RIMS1: variants seen among roughly 807,000 people sequenced by gnomAD.
The protein encoded by RIMS1 is regulating synaptic membrane exocytosis 1.
RIMS1 carries 83 observed loss-of-function variants against 214.1 expected under a neutral mutation model. That is an observed-to-expected ratio of 0.39 (90% CI 0.32 to 0.47). RIMS1 has a LOEUF of 0.47. RIMS1 is among the 20% of genes least tolerant of loss of function. The pLI, the probability that RIMS1 is intolerant of heterozygous loss-of-function variation, is 0.99. For synonymous variants in RIMS1, 793 were observed against 786.8 expected (o/e 1.01, Z -0.13); for missense variants, 2,050 against 2,161.8 (o/e 0.95, Z 1.03).
chr6:71,958,869 T>A (rs1482569), intron 1 of RIMS1, among the ~76,000 whole-genome samples: 129,909 of 152,080 alleles, frequency 0.85, 55,686 homozygotes, highest in East Asian at 1. Flanking sequence ...ATTCATCCAT[T>A]TTTCCCTAAA....
chr6:71,946,867 G>A (rs1787975064), intron 1 of RIMS1, among the ~76,000 whole-genome samples: 1 of 151,902 alleles, frequency 6.6e-6, no homozygotes, highest in Non-Finnish European at 1.5e-5. Flanking sequence ...GGGTTTTAGA[G>A]AATATATTTG....
chr6:72,145,684 A>G (rs1588020436), intron 4 of RIMS1, among the ~76,000 whole-genome samples: 1 of 152,210 alleles, frequency 6.6e-6, no homozygotes, highest in Non-Finnish European at 1.5e-5. Flanking sequence ...GACTGTGTAG[A>G]CAAGTTAAGA....
At chr6:72,014,188 T>C (rs978367607) in intron 2 of RIMS1, among the ~76,000 whole-genome samples, 2 of 152,138 alleles carry the variant, frequency 1.3e-5, no homozygotes, top group African/African-American at 4.8e-5. Flanking sequence ...GGAAGAGAAG[T>C]GAGTGGCAAG....
intron 4 of RIMS1, among the ~76,000 whole-genome samples, chr6:72,153,430 CT>C (rs960744282): frequency 6.6e-6 from 1 of 151,942 alleles, no homozygotes; most frequent in African/African-American, 2.4e-5. Flanking sequence ...AATCCTAAGA[CT>C]TTTAAAAATC....
chr6:71,907,808 G>C (rs1041854824), intron 1 of RIMS1, among the ~76,000 whole-genome samples: 4 of 152,108 alleles, frequency 2.6e-5, no homozygotes, highest in Non-Finnish European at 5.9e-5. Flanking sequence ...CCTGTGTTTT[G>C]TTGGTGAAAC....
intron 2 of RIMS1, among the ~76,000 whole-genome samples, chr6:72,003,086 G>A (rs969557100): frequency 2.3e-4 from 35 of 152,178 alleles, no homozygotes; most frequent in African/African-American, 6.8e-4. Flanking sequence ...CCAGAACTCC[G>A]TGGCTGAAGT....
intron 24 of RIMS1, among the ~76,000 whole-genome samples, chr6:72,285,513 G>T (rs2091980263): frequency 6.6e-6 from 1 of 152,194 alleles, no homozygotes; most frequent in Non-Finnish European, 1.5e-5. Context: ...TATGTAAAAG[G>T]GAGATGAAAT....
At chr6:71,913,870 C>T (rs919128387) in intron 1 of RIMS1, among the ~76,000 whole-genome samples, 2 of 152,060 alleles carry the variant, frequency 1.3e-5, no homozygotes, top group Non-Finnish European at 2.9e-5. Context: ...AAGGACACTT[C>T]CTTTCTCTAC....
intron 4 of RIMS1, among the ~76,000 whole-genome samples, chr6:72,166,641 C>G (rs536104433): frequency 2.7e-5 from 4 of 150,816 alleles, no homozygotes; most frequent in Admixed American, 1.3e-4. Context: ...TTTGGGAGTC[C>G]AAGGTGGGAG....
chr6:72,348,128 T>A (rs2097327502), intron 29 of RIMS1, among the ~76,000 whole-genome samples: 1 of 151,924 alleles, frequency 6.6e-6, no homozygotes, highest in South Asian at 2.1e-4. Context: ...TCTTAGTGGG[T>A]AAATTTTTCT....
At chr6:72,095,116 A>ATTTTTTTTTTTTTTTTTTTT (rs71540328) in intron 2 of RIMS1, among the ~76,000 whole-genome samples, 2 of 98,980 alleles carry the variant, frequency 2.0e-5, no homozygotes, top group Non-Finnish European at 1.9e-5. Context: ...ACGCCCGACT[A>ATTTTTTTTTTTTTTTTTTTT]TTTTTTTTTT....
chr6:72,377,669 T>A (rs970877351), intron 29 of RIMS1, among the ~76,000 whole-genome samples: 4 of 152,226 alleles, frequency 2.6e-5, no homozygotes, highest in African/African-American at 9.6e-5. Context: ...ATTGATTAAC[T>A]AACTCACTGA....
chr6:71,897,876 C>T (rs1203880399), intron 1 of RIMS1, among the ~76,000 whole-genome samples: 1 of 152,010 alleles, frequency 6.6e-6, no homozygotes, highest in African/African-American at 2.4e-5. Flanking sequence ...GGAGGAGTCA[C>T]CCAGGGCTGC....
chr6:72,069,803 C>G (rs1321451161), intron 2 of RIMS1, among the ~76,000 whole-genome samples: 1 of 152,194 alleles, frequency 6.6e-6, no homozygotes, highest in Non-Finnish European at 1.5e-5. Context: ...TAGATCATCA[C>G]TACAGCAGTC....
intron 2 of RIMS1, among the ~76,000 whole-genome samples, chr6:72,019,207 T>G (rs1469862362): frequency 6.6e-6 from 1 of 152,212 alleles, no homozygotes; most frequent in Non-Finnish European, 1.5e-5. Flanking sequence ...ATCAGATTTG[T>G]AGGTGTTTGT....
At chr6:72,069,010 A>G (rs889305528) in intron 2 of RIMS1, among the ~76,000 whole-genome samples, 1 of 150,254 alleles carries the variant, frequency 6.7e-6, no homozygotes, top group Non-Finnish European at 1.5e-5. Context: ...AGAAATAACA[A>G]ACTGAGGGAG....
intron 28 of RIMS1, among the ~76,000 whole-genome samples, chr6:72,314,523 T>G (rs1450938276): frequency 6.6e-6 from 1 of 152,180 alleles, no homozygotes; most frequent in African/African-American, 2.4e-5. Flanking sequence ...TTAAAAGTAA[T>G]CATCCTGCTG....
chr6:71,944,704 A>G (rs1187925409), intron 1 of RIMS1, among the ~76,000 whole-genome samples: 4 of 152,200 alleles, frequency 2.6e-5, no homozygotes, highest in Non-Finnish European at 2.9e-5. Flanking sequence ...ATCCATTTGT[A>G]ACATTGGTGT....
At chr6:72,394,664 A>G (rs1278170420) in intron 31 of RIMS1, among the ~76,000 whole-genome samples, 1 of 151,040 alleles carries the variant, frequency 6.6e-6, no homozygotes, top group Non-Finnish European at 1.5e-5. Flanking sequence ...ATGCATAAAC[A>G]TAACAGGTTT....
Sources: allele counts gnomAD v4.1 joint callset (sites outside exome capture counted in the v4.1 genomes callset), GRCh38; gene constraint gnomAD v4.1.1; transcripts MANE v1.5; gene names NCBI Gene and HGNC (gene_info 2026-07-23, HGNC 2026-07-21).